NTNG1: variants seen among roughly 807,000 people sequenced by gnomAD.
The protein encoded by NTNG1 is netrin-G1.
NTNG1 carries 16 observed loss-of-function variants against 54.0 expected under a neutral mutation model. That is an observed-to-expected ratio of 0.30 (90% CI 0.20 to 0.45). The LOEUF is 0.45. NTNG1 is among the 20% of genes least tolerant of loss of function. The pLI, the probability that NTNG1 is intolerant of heterozygous loss-of-function variation, is 1.00. For synonymous variants in NTNG1, 255 were observed against 263.1 expected (o/e 0.97, Z 0.30); for missense variants, 530 against 678.7 (o/e 0.78, Z 2.43).
chr1:107,172,566 C>T (rs927798592), intron 2 of NTNG1, among the ~76,000 whole-genome samples: 1 of 152,126 alleles, frequency 6.6e-6, no homozygotes, highest in Non-Finnish European at 1.5e-5. Flanking sequence ...AGTTAAGTTG[C>T]AGAGTCCAAG....
intron 7 of NTNG1, among the ~76,000 whole-genome samples, chr1:107,444,610 C>G (rs927720689): frequency 1.3e-5 from 2 of 152,118 alleles, no homozygotes; most frequent in African/African-American, 4.8e-5. Context: ...TGGATGGCAA[C>G]TTTTCATATT....
rs144962075 is a variant in NTNG1 at position 107,326,648 on chromosome 1, T to A, written c.887+1726T>A. ...ATTTTAATCCTAGTGTAATCTACAT[T>A]GCTCGGTAGATTCATCTAGGTCAAT... On this transcript the variant is annotated intron_variant, in intron 3 of 7. Coordinates refer to ENST00000370068, the MANE Select transcript of NTNG1 (RefSeq NM_001113226.3). Among the ~76,000 whole-genome samples the A allele has an allele frequency of 7.2e-3, 1,100 of 152,248 alleles. 11 individuals are homozygous for A. Among genetic ancestry groups the A allele is most frequent in the Admixed American group, 0.017 (258 of 15,268 alleles).
At chr1:107,198,318 A>G (rs1658488721) in intron 2 of NTNG1, among the ~76,000 whole-genome samples, 1 of 152,014 alleles carries the variant, frequency 6.6e-6, no homozygotes, top group African/African-American at 2.4e-5. Context: ...AATGGATCAA[A>G]CAAGATTACT....
chr1:107,230,472 C>T (rs1413925533), intron 2 of NTNG1, among the ~76,000 whole-genome samples: 1 of 152,096 alleles, frequency 6.6e-6, no homozygotes, highest in Non-Finnish European at 1.5e-5. Flanking sequence ...AGAGTGGGTA[C>T]AGTGCAGCTG....
In NTNG1 at chr1:107,396,090, A is replaced by G. The variant is rs543689789; in HGVS notation, c.1060+764A>G. On this transcript the variant is annotated intron_variant, in intron 4 of 7. Transcript: ENST00000370068. Reference sequence around the variant, plus strand: ...TTTGCTGAATAATTTGCCCAATTCCATGGATGGACCAATTAACTACCTGCA... The same window carrying G: ...TTTGCTGAATAATTTGCCCAATTCCGTGGATGGACCAATTAACTACCTGCA... 1.7e-3 allele frequency among the ~76,000 whole-genome samples: 255 copies of G among 152,300 alleles called. 1 individual carries two copies. Among genetic ancestry groups the G allele is most frequent in the African/African-American group, 5.6e-3 (232 of 41,564 alleles).
intron 2 of NTNG1, among the ~76,000 whole-genome samples, chr1:107,320,836 G>C (rs1328410327): frequency 6.6e-6 from 1 of 151,910 alleles, no homozygotes; most frequent in Non-Finnish European, 1.5e-5. Flanking sequence ...ATGAAATAAG[G>C]AGAACAATTG....
chr1:107,324,416 C>T lies in NTNG1; in HGVS notation c.381C>T (p.Pro127=), dbSNP rs143347360. 6.2e-7 allele frequency: 1 copy of T among 1,613,704 alleles called. No individual in the cohort carries two copies. The highest frequency in any genetic ancestry group is 8.5e-7 in the Non-Finnish European group (1 of 1,179,856). The change falls in exon 3 of 8, where the codon CCC becomes CCT. Residue 127 remains proline, a synonymous_variant. Transcript: ENST00000370068. Reference sequence around the variant, plus strand: ...AGTCTGCCACTTGGAAGGAGTATCCCAAGCCTCTCCAGGTTAACATCACTC... The same window carrying T: ...AGTCTGCCACTTGGAAGGAGTATCCTAAGCCTCTCCAGGTTAACATCACTC... ...FWQSATWKEY[P]KPLQVNITLS...
chr1:107,217,640 ATAGGT>A (rs1660062696), intron 2 of NTNG1, among the ~76,000 whole-genome samples: 1 of 152,050 alleles, frequency 6.6e-6, no homozygotes, highest in African/African-American at 2.4e-5. Context: ...AGAGGTTTTG[ATAGGT>A]TATATCACTA....
intron 3 of NTNG1, among the ~76,000 whole-genome samples, chr1:107,377,325 C>A (rs1389900422): frequency 2.0e-5 from 3 of 152,176 alleles, no homozygotes; most frequent in Non-Finnish European, 4.4e-5. Flanking sequence ...CCAAGCTCCC[C>A]ACTGCCTGGC....
chr1:107,336,737 C>T (rs1668603127), intron 3 of NTNG1, among the ~76,000 whole-genome samples: 1 of 151,868 alleles, frequency 6.6e-6, no homozygotes, highest in Non-Finnish European at 1.5e-5. Context: ...TGATAAGGGA[C>T]TTTTATCCAG....
At chr1:107,181,169 A>C (rs1336866802) in intron 2 of NTNG1, among the ~76,000 whole-genome samples, 1 of 152,224 alleles carries the variant, frequency 6.6e-6, no homozygotes, top group Non-Finnish European at 1.5e-5. Flanking sequence ...AAAGGGATTC[A>C]ACAACAAAAA....
rs75271578 is a variant in NTNG1 at position 107,210,746 on chromosome 1, T to A, written c.246+61907T>A. 7.8e-4 allele frequency among the ~76,000 whole-genome samples: 119 copies of A among 152,284 alleles called. 3 individuals are homozygous for A. The East Asian group carries it at 0.02, about 26-fold the overall frequency. On this transcript the variant is annotated intron_variant, in intron 2 of 7. Transcript: ENST00000370068. ...CTACACAAAGATTCAAATTCTAATC[T>A]CTCACCCTAGATTCTAAACCTTCCA...
intron 2 of NTNG1, among the ~76,000 whole-genome samples, chr1:107,186,682 G>A (rs898982787): frequency 2.0e-5 from 3 of 152,058 alleles, no homozygotes; most frequent in Non-Finnish European, 2.9e-5. Flanking sequence ...AAGACTTTGC[G>A]CTTGTGTTTT....
intron 2 of NTNG1, among the ~76,000 whole-genome samples, chr1:107,259,684 C>T (rs1663170546): frequency 6.6e-6 from 1 of 152,096 alleles, no homozygotes. Flanking sequence ...ATGTTCCTCC[C>T]CCGCAAGATA....
chr1:107,146,206 T>G (rs960631177), intron 1 of NTNG1, among the ~76,000 whole-genome samples: 1 of 152,116 alleles, frequency 6.6e-6, no homozygotes, highest in South Asian at 2.1e-4. Flanking sequence ...GATTATATCA[T>G]TCTTGATAAA....
intron 2 of NTNG1, among the ~76,000 whole-genome samples, 163 bp from the exon 3 acceptor site, chr1:107,324,119 T>A (rs972217853): frequency 2.6e-5 from 4 of 152,066 alleles, no homozygotes; most frequent in African/African-American, 4.8e-5. Context: ...CTTTTTTTTT[T>A]TAAAAGCTAT....
chr1:107,409,592 T>C (rs1462038727), intron 5 of NTNG1: 2 of 152,106 alleles, frequency 1.3e-5, no homozygotes. Context: ...GTTGTGCCTT[T>C]GAAAAAAATA....
chr1:107,347,802 G>A (rs995600241), intron 3 of NTNG1, among the ~76,000 whole-genome samples: 2 of 152,148 alleles, frequency 1.3e-5, no homozygotes, highest in Non-Finnish European at 2.9e-5. Context: ...CTTCTTCACA[G>A]GGTGGCAGGA....
chr1:107,234,656 G>A (rs1445965414), intron 2 of NTNG1, among the ~76,000 whole-genome samples: 1 of 152,114 alleles, frequency 6.6e-6, no homozygotes, highest in Non-Finnish European at 1.5e-5. Context: ...AATTACAGAA[G>A]CAATATTTGA....
Sources: gnomAD v4.1 joint callset for allele counts (sites outside exome capture counted in the v4.1 genomes callset) on GRCh38, gnomAD v4.1.1 for gene constraint, MANE v1.5 for transcripts, NCBI Gene and HGNC (gene_info 2026-07-23, HGNC 2026-07-21) for gene names.